SPPL3: variants seen among roughly 807,000 people sequenced by gnomAD.
The protein encoded by SPPL3 is signal peptide peptidase like 3.
A neutral mutation model predicts 42.4 loss-of-function variants in SPPL3; 5 were observed. That is an observed-to-expected ratio of 0.12 (90% confidence interval 0.06 to 0.25). The LOEUF is 0.25. Among genes scored for constraint, SPPL3 ranks in the 10% least tolerant of loss-of-function variants. SPPL3 has a pLI of 1.00. For synonymous variants in SPPL3, 195 were observed against 181.8 expected (o/e 1.07, Z -0.58); for missense variants, 235 against 489.0 (o/e 0.48, Z 4.90).
intron 1 of SPPL3, among the ~76,000 whole-genome samples, chr12:120,841,767 T>C (rs759809022): frequency 2.0e-5 from 3 of 152,236 alleles, no homozygotes; most frequent in Non-Finnish European, 2.9e-5. Flanking sequence ...GTTTGGAAAG[T>C]GAAAGGTCAA....
intron 1 of SPPL3, among the ~76,000 whole-genome samples, chr12:120,862,703 G>A (rs1428074530): frequency 6.6e-6 from 1 of 152,160 alleles, no homozygotes; most frequent in Non-Finnish European, 1.5e-5. Context: ...GAAGCTCTCA[G>A]AACTCAATTT....
intron 6 of SPPL3, among the ~76,000 whole-genome samples, chr12:120,772,728 T>C (rs980033870): frequency 1.3e-5 from 2 of 152,212 alleles, no homozygotes; most frequent in African/African-American, 4.8e-5. Context: ...TCCTACTGTG[T>C]GCACGGTGCT....
chr12:120,842,453 A>G (rs547172318), intron 1 of SPPL3, among the ~76,000 whole-genome samples: 3 of 152,276 alleles, frequency 2.0e-5, no homozygotes, highest in Admixed American at 6.5e-5. Context: ...TGAAGAAATT[A>G]TTTTTCAATA....
At chr12:120,831,992 CA>C (rs1222565550) in intron 1 of SPPL3, among the ~76,000 whole-genome samples, 1 of 152,186 alleles carries the variant, frequency 6.6e-6, no homozygotes, top group African/African-American at 2.4e-5. Context: ...CAGCACAGTT[CA>C]AAATATAAAA....
chr12:120,865,627 T>G (rs1301236217), intron 1 of SPPL3, among the ~76,000 whole-genome samples: 2 of 152,220 alleles, frequency 1.3e-5, no homozygotes, highest in Admixed American at 6.5e-5. Context: ...AATCCTGGGA[T>G]AGTAGATGCA....
At position 120,829,510 on chromosome 12, in the gene SPPL3, C is replaced by T. The variant is rs549616767; in HGVS notation, c.24-18624G>A. ...ACTCTGGAGACTGAGGCAGGGGAAT[C>T]GCTTGGACCTAGGGGGCAGGGGTTG... On this transcript the variant is annotated intron_variant, in intron 1 of 10. Coordinates refer to ENST00000353487, the MANE Select transcript of SPPL3 (RefSeq NM_139015.5). Among the ~76,000 whole-genome samples, 7 of 152,132 alleles carry T rather than the reference C, an allele frequency of 4.6e-5. No individual in the cohort carries two copies. In the South Asian group the frequency reaches 8.3e-4, roughly 18 times the overall value.
chr12:120,843,822 G>A (rs2137028099), intron 1 of SPPL3, among the ~76,000 whole-genome samples: 1 of 152,220 alleles, frequency 6.6e-6, no homozygotes, highest in Admixed American at 6.5e-5. Flanking sequence ...GCCAGGCATG[G>A]TGGCACGCGC....
intron 1 of SPPL3, among the ~76,000 whole-genome samples, chr12:120,825,877 C>T (rs1452953610): frequency 2.0e-5 from 3 of 152,018 alleles, no homozygotes; most frequent in Admixed American, 6.6e-5. Flanking sequence ...TAGGTTAGTA[C>T]GAAGTGGAAA....
chr12:120,784,146 CTA>C (rs976441218), intron 4 of SPPL3: 2 of 250,278 alleles, frequency 8.0e-6, no homozygotes, highest in African/African-American at 4.5e-5. Context: ...ACAATGGCCT[CTA>C]TGCCAAGCTC....
intron 5 of SPPL3, among the ~76,000 whole-genome samples, chr12:120,783,163 T>G (rs1566040573): frequency 6.6e-6 from 1 of 152,250 alleles, no homozygotes; most frequent in Non-Finnish European, 1.5e-5. Flanking sequence ...CACTAATTCC[T>G]GCGAGCATCA....
At chr12:120,784,382 C>T (rs1229494009) in intron 4 of SPPL3, 92 bp downstream of exon 4, 44 of 1,310,210 alleles carry the variant, frequency 3.4e-5, no homozygotes, top group Non-Finnish European at 4.3e-5. Context: ...ACTTACATGA[C>T]ATGGTATATA....
At chr12:120,776,302 A>C (rs1179617051) in intron 6 of SPPL3, among the ~76,000 whole-genome samples, 1 of 152,220 alleles carries the variant, frequency 6.6e-6, no homozygotes, top group Non-Finnish European at 1.5e-5. Flanking sequence ...TTCCAATGGA[A>C]ATGTACTTCT....
chr12:120,880,920 C>T (rs937704279), intron 1 of SPPL3, among the ~76,000 whole-genome samples: 4 of 147,600 alleles, frequency 2.7e-5, no homozygotes, highest in Admixed American at 2.0e-4. Context: ...ATAAACACTA[C>T]TCCAAAGATA....
intron 1 of SPPL3, among the ~76,000 whole-genome samples, chr12:120,857,807 G>C (rs958619735): frequency 2.0e-5 from 3 of 152,162 alleles, no homozygotes; most frequent in Non-Finnish European, 2.9e-5. Context: ...ACACACACCA[G>C]AGCCTGTCAC....
chr12:120,873,267 TGAA>T (rs1445796721), intron 1 of SPPL3, among the ~76,000 whole-genome samples: 2 of 152,032 alleles, frequency 1.3e-5, no homozygotes, highest in Non-Finnish European at 2.9e-5. Flanking sequence ...GTACCCACAG[TGAA>T]GACTGAAAAA....
intron 1 of SPPL3, among the ~76,000 whole-genome samples, chr12:120,876,616 C>CA (rs71076676): frequency 0.073 from 3,721 of 51,028 alleles, 208 homozygotes; most frequent in African/African-American, 0.14. Context: ...GACTCTGTCT[C>CA]AAAAAAAAAA....
At chr12:120,901,008 G>A (rs892892794) in intron 1 of SPPL3, among the ~76,000 whole-genome samples, 4 of 150,936 alleles carry the variant, frequency 2.7e-5, no homozygotes, top group Non-Finnish European at 5.9e-5. Flanking sequence ...CAAAATGACA[G>A]ATAATCCAAA....
At chr12:120,855,861 T>C (rs1872437591) in intron 1 of SPPL3, among the ~76,000 whole-genome samples, 2 of 152,194 alleles carry the variant, frequency 1.3e-5, no homozygotes, top group South Asian at 4.1e-4. Flanking sequence ...GGTGGTCTCA[T>C]TGTCAGATTC....
chr12:120,793,120 T>G (rs1566043496), intron 2 of SPPL3, among the ~76,000 whole-genome samples: 2 of 152,190 alleles, frequency 1.3e-5, no homozygotes, highest in Non-Finnish European at 2.9e-5. Context: ...ACAAAGGATC[T>G]GAAGAGACAT....
Sources: gnomAD v4.1 joint callset for allele counts (sites outside exome capture counted in the v4.1 genomes callset) on GRCh38, gnomAD v4.1.1 for gene constraint, MANE v1.5 for transcripts, NCBI Gene and HGNC (gene_info 2026-07-23, HGNC 2026-07-21) for gene names.